The following CMSS1 variants were observed in gnomAD, a reference collection of about 807,000 sequenced individuals.
CMSS1 encodes the protein cms1 ribosomal small subunit homolog.
In CMSS1, 33 loss-of-function variants were observed where a neutral mutation model predicts 43.5. The ratio of observed to expected loss-of-function variants is 0.76; its 90% CI spans 0.57 to 1.01. The LOEUF (loss-of-function observed/expected upper bound fraction) is 1.01. CMSS1 is among the 50% of genes least tolerant of loss of function. The probability of loss-of-function intolerance (pLI) is 0.00; values close to 1 mark genes in which losing one functional copy is unlikely to be tolerated. For synonymous variants in CMSS1, 115 were observed against 117.2 expected, an observed-to-expected ratio of 0.98 and a Z score of 0.12; for missense variants, 313 against 326.4, an observed-to-expected ratio of 0.96 and a Z score of 0.32.
At chr3:99,896,366 G>A (rs1706252216) in intron 1 of CMSS1, among the ~76,000 whole-genome samples, 1 of 152,174 alleles carries the variant, frequency 6.6e-6, no homozygotes, top group Admixed American at 6.5e-5. Flanking sequence ...CTAGAGAGAG[G>A]CTGTTTCATT....
intron 1 of CMSS1, among the ~76,000 whole-genome samples, chr3:100,037,079 C>T (rs770497759): frequency 6.6e-6 from 1 of 151,944 alleles, no homozygotes; most frequent in Non-Finnish European, 1.5e-5. Context: ...GATCCTGGAT[C>T]GGGGGAGGAA....
At chr3:99,820,440 G>A (rs993991965) in intron 1 of CMSS1, among the ~76,000 whole-genome samples, 5 of 152,126 alleles carry the variant, frequency 3.3e-5, no homozygotes, top group African/African-American at 1.2e-4. Flanking sequence ...GAAGTGATCT[G>A]CTCGCCTTGG....
intron 4 of CMSS1, among the ~76,000 whole-genome samples, chr3:100,162,992 A>T (rs1349381283): frequency 6.6e-6 from 1 of 152,204 alleles, no homozygotes; most frequent in East Asian, 1.9e-4. Flanking sequence ...AAAAAGAAAC[A>T]TAATACTTCT....
intron 8 of CMSS1, among the ~76,000 whole-genome samples, chr3:100,175,654 T>G (rs555004840): frequency 6.6e-6 from 1 of 152,314 alleles, no homozygotes; most frequent in South Asian, 2.1e-4. Context: ...CTGCAGGTAC[T>G]GTTAACACAA....
intron 1 of CMSS1, among the ~76,000 whole-genome samples, chr3:99,905,312 T>G (rs1207652960): frequency 6.6e-6 from 1 of 152,210 alleles, no homozygotes; most frequent in African/African-American, 2.4e-5. Flanking sequence ...TAGTCCCATG[T>G]GTGCACTTAC....
At chr3:100,152,528 CTTAA>C (rs980161802) in intron 2 of CMSS1, among the ~76,000 whole-genome samples, 2 of 152,140 alleles carry the variant, frequency 1.3e-5, no homozygotes, top group African/African-American at 4.8e-5. Context: ...TGAGCACACC[CTTAA>C]TTTATTTAAA....
At chr3:99,848,883 CGTG>C (rs1943507712) in intron 1 of CMSS1, 1 of 1,613,914 alleles carries the variant, frequency 6.2e-7, no homozygotes. Flanking sequence ...CTGCAGTACT[CGTG>C]TAAGAGTGAG....
intron 1 of CMSS1, among the ~76,000 whole-genome samples, chr3:99,828,542 C>T (rs1016329512): frequency 2.0e-5 from 3 of 149,348 alleles, no homozygotes; most frequent in African/African-American, 7.4e-5. Flanking sequence ...CCTCGGACTT[C>T]TGGGCTCAAA....
intron 1 of CMSS1, among the ~76,000 whole-genome samples, chr3:100,067,632 C>A (rs2065689212): frequency 6.6e-6 from 1 of 152,140 alleles, no homozygotes; most frequent in Non-Finnish European, 1.5e-5. Context: ...CTAGAATTCA[C>A]AAGATTATCT....
intron 1 of CMSS1, among the ~76,000 whole-genome samples, chr3:99,958,055 A>G (rs1478461433): frequency 1.4e-5 from 2 of 145,214 alleles, no homozygotes; most frequent in Non-Finnish European, 3.0e-5. Context: ...CAGAAATGTC[A>G]CTTCTTTTTT....
intron 1 of CMSS1, among the ~76,000 whole-genome samples, chr3:100,046,284 A>G (rs953838371): frequency 9.9e-5 from 15 of 152,196 alleles, no homozygotes; most frequent in African/African-American, 3.4e-4. Context: ...CTAATTCTAG[A>G]TAGTCCACTC....
chr3:99,984,571 G>T (rs373116519), intron 1 of CMSS1, among the ~76,000 whole-genome samples: 12 of 152,166 alleles, frequency 7.9e-5, no homozygotes, highest in African/African-American at 2.4e-4. Flanking sequence ...CTGCCAAGAG[G>T]TATCTACCCT....
intron 1 of CMSS1, among the ~76,000 whole-genome samples, chr3:99,844,442 C>T (rs568402646): frequency 2.0e-5 from 3 of 152,236 alleles, no homozygotes; most frequent in African/African-American, 7.2e-5. Context: ...ATCTTAATAA[C>T]AGAAACCAGG....
In CMSS1 at chr3:100,172,416, G is replaced by A; in HGVS notation, c.667+13G>A. On this transcript the variant is annotated intron_variant, in intron 8 of 9. Transcript: ENST00000421999. ...CTTGTTAAACAAGGTATGACAAGAG[G>A]GCAGTGATACTCTTGCCCAGGGCTG... is the stretch of plus-strand genomic sequence containing the variant. The A allele has an allele frequency of 1.3e-6, 2 of 1,596,820 alleles. No homozygotes were observed. Among genetic ancestry groups the A allele is most frequent in the Non-Finnish European group, 1.7e-6 (2 of 1,164,600 alleles).
Position 99,849,230 on chromosome 3 carries a change from T to C in CMSS1, c.64+31187T>C, listed in dbSNP as rs201518347. On this transcript the variant is annotated intron_variant, in intron 1 of 9. Transcript: ENST00000421999. ...TTGATGACTGCACGTTCCAGAGGAA[T>C]GAGGCTCTTGTAATCAGGTGGTTCA... 407 of 1,613,232 alleles carry C rather than the reference T, an allele frequency of 2.5e-4. No individual in the cohort carries two copies. The highest frequency in any genetic ancestry group is 3.1e-4 in the Non-Finnish European group (371 of 1,179,268).
chr3:100,169,605 G>C (rs1559778602), intron 6 of CMSS1, among the ~76,000 whole-genome samples: 1 of 152,226 alleles, frequency 6.6e-6, no homozygotes, highest in East Asian at 1.9e-4. Flanking sequence ...CTGAAGTGGA[G>C]ACACACATTA....
chr3:99,947,229 A>G (rs1048136967), intron 1 of CMSS1, among the ~76,000 whole-genome samples: 4 of 152,070 alleles, frequency 2.6e-5, no homozygotes, highest in Admixed American at 6.6e-5. Context: ...CTTTAATTCA[A>G]CCACGCAGAG....
intron 1 of CMSS1, among the ~76,000 whole-genome samples, chr3:100,057,387 G>A (rs1428518256): frequency 6.6e-6 from 1 of 152,090 alleles, no homozygotes; most frequent in Non-Finnish European, 1.5e-5. Context: ...ATATCATCAA[G>A]GAAAAAGGCC....
At chr3:99,820,471 A>C (rs1216722792) in intron 1 of CMSS1, among the ~76,000 whole-genome samples, 1 of 152,254 alleles carries the variant, frequency 6.6e-6, no homozygotes, top group African/African-American at 2.4e-5. Context: ...TGCTGGGATT[A>C]CAGGTGTGAA....
Sources: gnomAD v4.1 joint callset for allele counts (sites outside exome capture counted in the v4.1 genomes callset) on GRCh38, gnomAD v4.1.1 for gene constraint, MANE v1.5 for transcripts, NCBI Gene and HGNC (gene_info 2026-07-23, HGNC 2026-07-21) for gene names.